The following LRRC74A variants were observed in gnomAD, a reference collection of about 807,000 sequenced individuals.
LRRC74A encodes leucine-rich repeat-containing protein 74A.
LRRC74A carries 44 observed loss-of-function variants against 57.9 expected under a neutral mutation model. The observed-to-expected ratio is 0.76, with a 90% CI of 0.60 to 0.98. LRRC74A has a LOEUF of 0.98. Ranked by LOEUF, LRRC74A falls within the 50% of genes least tolerant of loss-of-function variation. The pLI is 0.00. For missense variants in LRRC74A, 572 were observed against 574.0 expected (o/e 1.00, Z 0.04); for synonymous variants, 211 against 219.4 (o/e 0.96, Z 0.34).
chr14:76,841,449 A>C (rs771488638), intron 5 of LRRC74A, among the ~76,000 whole-genome samples: 1 of 152,130 alleles, frequency 6.6e-6, no homozygotes, highest in Non-Finnish European at 1.5e-5. Context: ...ATAATTCTGC[A>C]ATCTTGGCTA....
intron 7 of LRRC74A, among the ~76,000 whole-genome samples, chr14:76,851,623 G>T (rs1897495501): frequency 6.6e-6 from 1 of 151,228 alleles, no homozygotes; most frequent in Non-Finnish European, 1.5e-5. Context: ...CTCCCAAAGT[G>T]CTGGGATTAC....
intron 7 of LRRC74A, among the ~76,000 whole-genome samples, chr14:76,848,739 C>G (rs1897258398): frequency 6.6e-6 from 1 of 152,172 alleles, no homozygotes; most frequent in Admixed American, 6.5e-5. Context: ...GAAGAATAAA[C>G]TGATGCTACA....
At chr14:76,834,134 G>A (rs1256208248) in intron 3 of LRRC74A, among the ~76,000 whole-genome samples, 1 of 152,200 alleles carries the variant, frequency 6.6e-6, no homozygotes, top group Non-Finnish European at 1.5e-5. Context: ...TTTGCGTTTA[G>A]CATTTGTGTG....
chr14:76,833,500 G>T (rs1380051368), intron 3 of LRRC74A, among the ~76,000 whole-genome samples: 1 of 142,510 alleles, frequency 7.0e-6, no homozygotes, highest in Non-Finnish European at 1.5e-5. Context: ...GGAGTGCAGG[G>T]TCATGATCTG....
chr14:76,830,693 T>G (rs1239118719), intron 2 of LRRC74A, among the ~76,000 whole-genome samples: 1 of 152,244 alleles, frequency 6.6e-6, no homozygotes, highest in African/African-American at 2.4e-5. Flanking sequence ...TCTGTCCTAG[T>G]TGGGCTTTTT....
chr14:76,850,494 G>A (rs1396872467), intron 7 of LRRC74A, among the ~76,000 whole-genome samples: 1 of 152,088 alleles, frequency 6.6e-6, no homozygotes, highest in East Asian at 1.9e-4. Flanking sequence ...TATATAAGGT[G>A]TTGTGCACTT....
At chr14:76,866,112 G>C (rs1053911800) in intron 12 of LRRC74A, 37 bp downstream of exon 12, 1 of 1,382,944 alleles carries the variant, frequency 7.2e-7, no homozygotes. Flanking sequence ...CTGTGTGTGA[G>C]TGTGAGTGTG....
At position 76,828,400 on chromosome 14, in the gene LRRC74A, A is replaced by G; in HGVS notation, c.147A>G (p.Glu49=). ...EKVKPARENS[E]TDLEIEDDEK... is the part of the protein sequence containing the mutation. ...TGAAACCAGCCCGGGAGAATTCGGA[A>G]ACAGACCTGGAGATTGAAGGCGAGC... is the stretch of plus-strand genomic sequence containing the variant. The change falls in exon 2 of 14, where the codon GAA becomes GAG. Residue 49 remains glutamate, a synonymous_variant. Coordinates refer to ENST00000689127, the MANE Select transcript of LRRC74A (RefSeq NM_001385106.1). 6.2e-7 allele frequency: 1 copy of G among 1,614,014 alleles called. No homozygotes were observed. The highest frequency in any genetic ancestry group is 8.5e-7 in the Non-Finnish European group (1 of 1,179,872).
rs780266280 is a variant in LRRC74A, at chr14:76,853,150, G to A, written c.763-66G>A. On this transcript the variant is annotated intron_variant, in intron 8 of 13. Coordinates refer to ENST00000689127, the MANE Select transcript of LRRC74A (RefSeq NM_001385106.1). ...GATGCCAACAGGGGGTAGAAATCGG[G>A]ACCCTTTTGGTTGGATGAGTCACGC... 16 of 1,457,976 alleles carry A rather than the reference G, an allele frequency of 1.1e-5. No homozygotes were observed. The Admixed American group carries it at 1.5e-4, about 13-fold the overall frequency. The allele number at this position is 1,457,976 out of a possible 1,614,324, so 90.3% of individuals were successfully genotyped here.
intron 7 of LRRC74A, among the ~76,000 whole-genome samples, chr14:76,848,860 C>G (rs919120600): frequency 1.3e-5 from 2 of 152,090 alleles, no homozygotes; most frequent in East Asian, 3.9e-4. Flanking sequence ...AGGGACAGTT[C>G]ATTCATTGAA....
At chr14:76,839,631 C>G (rs536839370) in intron 5 of LRRC74A, among the ~76,000 whole-genome samples, 48 of 152,262 alleles carry the variant, frequency 3.2e-4, no homozygotes, top group Admixed American at 1.9e-3. Flanking sequence ...AAATAGAACA[C>G]TTTTTCAGAA....
intron 9 of LRRC74A, among the ~76,000 whole-genome samples, chr14:76,855,587 G>T (rs1288987366): frequency 6.6e-6 from 1 of 152,072 alleles, no homozygotes; most frequent in Non-Finnish European, 1.5e-5. Flanking sequence ...ATTATCTATG[G>T]GTCTCCACAT....
rs570363315 is a variant in LRRC74A, at chr14:76,837,793, G to C, written c.448-82G>C. The C allele has an allele frequency of 5.2e-5, 42 of 810,698 alleles. No individual in the cohort carries two copies. In the African/African-American group the frequency reaches 6.5e-4, roughly 13 times the overall value. 50.2% of individuals were successfully genotyped at this position (810,698 alleles called of 1,614,324 possible). On this transcript the variant is annotated intron_variant, in intron 4 of 13. Transcript: ENST00000689127. ...CCTACTCCCTCAGCACAGGACTCAAGTAAACCACAAAAGACATCATTTTTT... is the reference window on the plus strand; with the variant it reads ...CCTACTCCCTCAGCACAGGACTCAACTAAACCACAAAAGACATCATTTTTT...
intron 7 of LRRC74A, among the ~76,000 whole-genome samples, chr14:76,850,004 T>G (rs868647790): frequency 5.9e-5 from 9 of 151,798 alleles, no homozygotes; most frequent in Admixed American, 2.6e-4. Context: ...GTCAGGAGAT[T>G]GAGACCATCC....
chr14:76,828,197 A>G, intron 1 of LRRC74A, 94 bp from the exon 2 acceptor site: 1 of 1,465,878 alleles, frequency 6.8e-7, no homozygotes. Context: ...ACTCAGAGGA[A>G]GGGAGCAGAG....
chr14:76,831,433 G>A, intron 3 of LRRC74A, 58 bp downstream of exon 3: 4 of 1,583,630 alleles, frequency 2.5e-6, no homozygotes, highest in African/African-American at 1.3e-5. Context: ...TGGCAGAGTG[G>A]TAGGCCCAAG....
Position 76,828,198 on chromosome 14 carries a change from G to A in LRRC74A, c.38-93G>A, listed in dbSNP as rs533965278. 67 of 1,472,036 alleles carry A rather than the reference G, an allele frequency of 4.6e-5. No individual in the cohort carries two copies. The South Asian group carries it at 6.2e-4, about 14-fold the overall frequency. 91.2% of individuals were successfully genotyped at this position (1,472,036 alleles called of 1,614,324 possible). ...CTTGAGGACCTGGGACTCAGAGGAA[G>A]GGAGCAGAGATGGAGGGGCGGCAGC... is the stretch of plus-strand genomic sequence containing the variant. On this transcript the variant is annotated intron_variant, in intron 1 of 13. Coordinates refer to ENST00000689127, the MANE Select transcript of LRRC74A (RefSeq NM_001385106.1).
rs141745564 is a variant in LRRC74A at position 76,857,900 on chromosome 14, C to T, written c.1053+425C>T. Reference sequence around the variant, plus strand: ...ACTTTATTTTCATTTCATGAGTTGGCCTGTTAGACTCAGAGCAGTATTTCT... The same window carrying T: ...ACTTTATTTTCATTTCATGAGTTGGTCTGTTAGACTCAGAGCAGTATTTCT... On this transcript the variant is annotated intron_variant, in intron 10 of 13. Coordinates refer to ENST00000689127, the MANE Select transcript of LRRC74A (RefSeq NM_001385106.1). Among the ~76,000 whole-genome samples the T allele has an allele frequency of 7.9e-5, 12 of 152,196 alleles. No individual in the cohort carries two copies. The East Asian group carries it at 1.7e-3, about 22-fold the overall frequency.
chr14:76,840,644 A>G (rs12883259), intron 5 of LRRC74A, among the ~76,000 whole-genome samples: 11,235 of 141,650 alleles, frequency 0.079, 505 homozygotes, highest in Non-Finnish European at 0.097. Context: ...GTGCAGTGGC[A>G]CAATCTCGGC....
Sources: allele counts gnomAD v4.1 joint callset (sites outside exome capture counted in the v4.1 genomes callset), GRCh38; gene constraint gnomAD v4.1.1; transcripts MANE v1.5; gene names NCBI Gene and HGNC (gene_info 2026-07-23, HGNC 2026-07-21).